The following NGFR variants were observed in gnomAD, a reference collection of about 807,000 sequenced individuals.
The protein encoded by NGFR is tumor necrosis factor receptor superfamily member 16.
Under a neutral mutation model 43.2 loss-of-function variants are expected in NGFR, and 30 were observed. The ratio of observed to expected loss-of-function variants is 0.69; its 90% CI spans 0.52 to 0.94. The LOEUF is 0.94. Among genes scored for constraint, NGFR ranks in the 40% least tolerant of loss-of-function variants. The pLI, the probability that NGFR is intolerant of heterozygous loss-of-function variation, is 0.00. For synonymous variants in NGFR, 246 were observed against 259.6 expected (o/e 0.95, Z 0.50); for missense variants, 529 against 602.5 (o/e 0.88, Z 1.28).
Position 49,495,504 on chromosome 17 carries a change from G to T in NGFR, c.66+21G>T, listed in dbSNP as rs1448270321. The T allele has an allele frequency of 5.7e-6, 7 of 1,233,542 alleles. No homozygotes were observed. The highest frequency in any genetic ancestry group is 3.1e-5 in the East Asian group (1 of 31,858). The allele number at this position is 1,233,542 out of a possible 1,614,324, so 76.4% of individuals were successfully genotyped here. On this transcript the variant is annotated intron_variant, in intron 1 of 5. Transcript: ENST00000172229. The surrounding 1 kb of genome is among the most constrained non-coding windows in gnomAD (Gnocchi z 6.4). ...TGGGGGTGAGTGTTAGCCGGAGGGG[G>T]CCCGCTCCCTTTCCCGGGATCAGAA...
chr17:49,502,018 C>CCCCCCCACA, intron 1 of NGFR, 45 bp from the exon 2 acceptor site: 2 of 1,320,362 alleles, frequency 1.5e-6, no homozygotes, highest in East Asian at 2.7e-5. Context: ...CAACCCACCC[C>CCCCCCCACA]AGCTTTCTCT....
intron 4 of NGFR, among the ~76,000 whole-genome samples, chr17:49,511,525 T>TG (rs1169662046): frequency 3.9e-5 from 6 of 152,010 alleles, no homozygotes; most frequent in African/African-American, 1.4e-4. Flanking sequence ...ATTTGTTTTT[T>TG]TTTTTTTTCC....
At position 49,506,655 on chromosome 17, in the gene NGFR, G is replaced by C. The variant is rs1597862259; in HGVS notation, c.565G>C (p.Glu189Gln). ...ECTRWADAEC[E>Q]EIPGRWITRS... ...CACACGCTGGGCCGACGCCGAGTGC[G>C]AGGGTGAGTGCGGTTCGGGGGGCGG... Residue 189 changes from glutamate to glutamine, a missense_variant, in exon 3 of 6, where the codon GAG (glutamate) becomes CAG (glutamine). Physicochemically the swap from Glu to Gln is conservative, Grantham distance 29. Coordinates refer to ENST00000172229, the MANE Select transcript of NGFR (RefSeq NM_002507.4). 1.3e-6 allele frequency: 2 copies of C among 1,517,108 alleles called. No individual in the cohort carries two copies. The highest frequency in any genetic ancestry group is 1.8e-6 in the Non-Finnish European group (2 of 1,130,762). 94.0% of individuals were successfully genotyped at this position (1,517,108 alleles called of 1,614,324 possible). A position where few individuals can be genotyped will look rare whatever the true frequency, so the allele number is the denominator to read the frequency against.
chr17:49,508,087 G>A (rs1192579931), intron 3 of NGFR, among the ~76,000 whole-genome samples: 1 of 152,258 alleles, frequency 6.6e-6, no homozygotes, highest in Non-Finnish European at 1.5e-5. Context: ...TCCTGCCTTG[G>A]AGAAGGAATG....
In NGFR at chr17:49,495,480, G is replaced by T; in HGVS notation, c.63G>T (p.Leu21=). The part of the protein sequence containing the change: ...DGPRLLLLLL[L]GVSLGGAKEA... The stretch of plus-strand genomic sequence containing the variant: ...CGCGCCTGCTGCTGTTGCTGCTTCT[G>T]GGGGTGAGTGTTAGCCGGAGGGGGC... Residue 21 remains leucine, a synonymous_variant, in exon 1 of 6, where the codon CTG becomes CTT. Transcript: ENST00000172229. The surrounding 1 kb of genome is among the most constrained non-coding windows in gnomAD (Gnocchi z 6.4). 7 of 1,237,140 alleles carry T rather than the reference G, an allele frequency of 5.7e-6. No homozygotes were observed. Among genetic ancestry groups the T allele is most frequent in the Non-Finnish European group, 7.1e-6 (7 of 988,866 alleles). The allele number at this position is 1,237,140 out of a possible 1,614,324, so 76.6% of individuals were successfully genotyped here. A position where few individuals can be genotyped will look rare whatever the true frequency, so the allele number is the denominator to read the frequency against.
intron 3 of NGFR, among the ~76,000 whole-genome samples, chr17:49,507,527 G>A (rs2071207397): frequency 6.6e-6 from 1 of 152,246 alleles, no homozygotes; most frequent in Non-Finnish European, 1.5e-5. Context: ...GCCCCAAGGA[G>A]ATGGGGTGGT....
intron 4 of NGFR, 156 bp downstream of exon 4, chr17:49,510,820 C>A (rs1326724066): frequency 1.1e-6 from 1 of 885,694 alleles, no homozygotes; most frequent in Admixed American, 2.3e-5. Flanking sequence ...CAGGGTGCAG[C>A]AGGTCAGCAG....
intron 1 of NGFR, 64 bp from the exon 2 acceptor site, chr17:49,501,999 A>AGGGGGGCCC: frequency 4.5e-5 from 15 of 330,984 alleles, no homozygotes; most frequent in Non-Finnish European, 6.4e-5. Context: ...TCCCCGGAAG[A>AGGGGGGCCC]ACCCCCCCCA....
At chr17:49,506,785 G>A (rs2143438167) in intron 3 of NGFR, 127 bp downstream of exon 3, 1 of 873,616 alleles carries the variant, frequency 1.1e-6, no homozygotes, top group Non-Finnish European at 1.7e-6. Flanking sequence ...TGACCTTGAG[G>A]CAGCGTGCAC....
In NGFR at chr17:49,513,656, C is replaced by T. The variant is rs1172147812; in HGVS notation, c.*647C>T. 6.6e-6 allele frequency: 1 copy of T among 152,356 alleles called. No individual in the cohort carries two copies. The highest frequency in any genetic ancestry group is 1.5e-5 in the Non-Finnish European group (1 of 68,142). 9.4% of individuals were successfully genotyped at this position (152,356 alleles called of 1,614,324 possible). A position where few individuals can be genotyped will look rare whatever the true frequency, so the allele number is the denominator to read the frequency against. On this transcript the variant is annotated 3_prime_UTR_variant, in exon 6 of 6. Coordinates refer to ENST00000172229, the MANE Select transcript of NGFR (RefSeq NM_002507.4). ...CAAAGCCAGACAGCAACGGGGAGGC[C>T]AAGTGCAGGCTGGCACCGCCTTCTC...
At chr17:49,502,815 T>TTC (rs1555564722) in intron 2 of NGFR, among the ~76,000 whole-genome samples, 4 of 121,504 alleles carry the variant, frequency 3.3e-5, no homozygotes, top group Non-Finnish European at 7.0e-5. Context: ...GCCTGGGATT[T>TTC]CTTCCTTCCT....
At chr17:49,503,456 AG>A (rs963829054) in intron 2 of NGFR, among the ~76,000 whole-genome samples, 5 of 152,132 alleles carry the variant, frequency 3.3e-5, no homozygotes, top group African/African-American at 1.2e-4. Flanking sequence ...GGAGGGCTCG[AG>A]GGAACCATAC....
At chr17:49,510,339 C>G (rs1476140841) in intron 3 of NGFR, 73 bp from the exon 4 acceptor site, 7 of 1,578,282 alleles carry the variant, frequency 4.4e-6, no homozygotes, top group Non-Finnish European at 5.2e-6. Context: ...ACAGGAAGAA[C>G]ACGGCAGTGG....
Position 49,510,443 on chromosome 17 carries a change from A to C in NGFR, c.600A>C (p.Thr200=). ...CTGGCCGTTGGATTACACGGTCCAC[A>C]CCCCCAGAGGGCTCGGACAGCACAG... ...EIPGRWITRS[T]PPEGSDSTAP... is the part of the protein sequence containing the mutation. Residue 200 remains threonine, a synonymous_variant, in exon 4 of 6, where the codon ACA becomes ACC. Coordinates refer to ENST00000172229, the MANE Select transcript of NGFR (RefSeq NM_002507.4). 6.2e-7 allele frequency: 1 copy of C among 1,613,864 alleles called. No homozygotes were observed. Among genetic ancestry groups the C allele is most frequent in the Non-Finnish European group, 8.5e-7 (1 of 1,179,956 alleles).
chr17:49,495,507 C>T lies in NGFR; in HGVS notation c.66+24C>T. On this transcript the variant is annotated intron_variant, in intron 1 of 5. Transcript: ENST00000172229. This position sits in a 1 kb window ranked among gnomAD's most constrained non-coding sequence, Gnocchi z 6.4. ...GGGTGAGTGTTAGCCGGAGGGGGCC[C>T]GCTCCCTTTCCCGGGATCAGAACTC... 4.1e-6 allele frequency: 5 copies of T among 1,232,444 alleles called. No homozygotes were observed. Among genetic ancestry groups the T allele is most frequent in the Non-Finnish European group, 5.1e-6 (5 of 985,594 alleles). 76.3% of individuals were successfully genotyped at this position (1,232,444 alleles called of 1,614,324 possible).
chr17:49,502,006 CCCA>C, intron 1 of NGFR, 54 bp from the exon 2 acceptor site: 1 of 581,196 alleles, frequency 1.7e-6, no homozygotes, highest in Non-Finnish European at 2.7e-6. Context: ...AAGAACCCCC[CCCA>C]ACCCACCCCA....
chr17:49,504,266 G>T lies in NGFR; in HGVS notation c.209-2033G>T, dbSNP rs141692000. 3.6e-3 allele frequency among the ~76,000 whole-genome samples: 548 copies of T among 152,232 alleles called. 4 individuals are homozygous for T. The highest frequency in any genetic ancestry group is 6.8e-3 in the Middle Eastern group (2 of 294). On this transcript the variant is annotated intron_variant, in intron 2 of 5. Coordinates refer to ENST00000172229, the MANE Select transcript of NGFR (RefSeq NM_002507.4). ...ATTTTCTGTGTTTTGCCATGAGCAG[G>T]CTTCTCCTCTTCCCCTCCTGTGTGA...
intron 2 of NGFR, among the ~76,000 whole-genome samples, chr17:49,502,712 C>T (rs532109014): frequency 1.3e-4 from 20 of 151,972 alleles, no homozygotes; most frequent in African/African-American, 2.9e-4. Context: ...AGAGTTTTCC[C>T]GAGGCAGCAG....
Position 49,502,146 on chromosome 17 carries a change from C to T in NGFR, c.150C>T (p.Gly50=), listed in dbSNP as rs763333521. The T allele has an allele frequency of 2.1e-5, 34 of 1,612,550 alleles. No individual in the cohort carries two copies. The highest frequency in any genetic ancestry group is 2.7e-5 in the Non-Finnish European group (32 of 1,179,274). Residue 50 remains glycine, a synonymous_variant, in exon 2 of 6, where the codon GGC becomes GGT. Coordinates refer to ENST00000172229, the MANE Select transcript of NGFR (RefSeq NM_002507.4). The part of the protein sequence containing the change: ...SGECCKACNL[G]EGVAQPCGAN... ...AGTGCTGCAAAGCCTGCAACCTGGG[C>T]GAGGGTGTGGCCCAGCCTTGTGGAG...
Sources: allele counts gnomAD v4.1 joint callset (sites outside exome capture counted in the v4.1 genomes callset), GRCh38; gene constraint gnomAD v4.1.1; non-coding constraint Gnocchi (gnomAD v3.1); transcripts MANE v1.5; gene names NCBI Gene and HGNC (gene_info 2026-07-23, HGNC 2026-07-21).